ITPR3: variants seen among roughly 807,000 people sequenced by gnomAD.
ITPR3 encodes the protein inositol 1,4,5-trisphosphate receptor type 3, also known as inositol 1,4,5-trisphosphate-gated calcium channel ITPR3.
A neutral mutation model predicts 293.2 loss-of-function variants in ITPR3; 173 were observed. The ratio of observed to expected loss-of-function variants is 0.59; its 90% CI spans 0.52 to 0.67. ITPR3 has a LOEUF of 0.67. ITPR3 is among the 30% of genes least tolerant of loss of function. The pLI is 0.00. For synonymous variants in ITPR3, 1,295 were observed against 1,444.4 expected, an observed-to-expected ratio of 0.90 and a Z score of 2.35; for missense variants, 2,796 against 3,592.1, an observed-to-expected ratio of 0.78 and a Z score of 5.66.
intron 56 of ITPR3, chr6:33,694,488 T>C (rs10672): frequency 0.65 from 152,780 of 233,710 alleles, 52,403 homozygotes; most frequent in East Asian, 0.95. Context: ...CGGAGCCTCC[T>C]GATCCCTCAA....
In ITPR3 at chr6:33,690,170, T is replaced by G; in HGVS notation, c.7004T>G (p.Phe2335Cys). The change falls in exon 51 of 58, where the codon TTT (phenylalanine) becomes TGT (cysteine). Residue 2335 changes from phenylalanine to cysteine, a missense_variant. By Grantham distance (205) the Phe-to-Cys change is radical. Around this residue, in one of 8 missense-constraint regions of ITPR3, gnomAD observed 568 missense variants for 796.1 expected, o/e 0.71. Transcript: ENST00000605930. ...ATCCTGACCAGTGTCCTGGGCCTCTTTGCTCATGAGCTGTTCTACAGCATC... is the reference window on the plus strand; with the variant it reads ...ATCCTGACCAGTGTCCTGGGCCTCTGTGCTCATGAGCTGTTCTACAGCATC... ...GYILTSVLGL[F>C]AHELFYSILL... is the part of the protein sequence containing the mutation. 1.2e-6 allele frequency: 2 copies of G among 1,614,112 alleles called. No individual in the cohort carries two copies. Among genetic ancestry groups the G allele is most frequent in the Non-Finnish European group, 1.7e-6 (2 of 1,179,990 alleles).
At position 33,633,456 on chromosome 6, in the gene ITPR3, T is replaced by G. The variant is rs1237958132; in HGVS notation, c.90-7028T>G. Among the ~76,000 whole-genome samples the G allele has an allele frequency of 6.6e-6, 1 of 152,006 alleles. No individual in the cohort carries two copies. The highest frequency in any genetic ancestry group is 2.4e-5 in the African/African-American group (1 of 41,396). On this transcript the variant is annotated intron_variant, in intron 1 of 57. Coordinates refer to ENST00000605930, the MANE Select transcript of ITPR3 (RefSeq NM_002224.4). This position sits in a 1 kb window ranked among gnomAD's most constrained non-coding sequence, Gnocchi z 5.2. ...GTTTGATAAACACAGGTGCCCGCCA[T>G]GAGGAAGAGTCGGGGTGGGGCGCTA...
In ITPR3 at chr6:33,690,027, C is replaced by A. The variant is rs202138148; in HGVS notation, c.6868-7C>A. 2.3e-4 allele frequency: 374 copies of A among 1,614,136 alleles called. No individual in the cohort carries two copies. The African/African-American group carries it at 3.1e-3, about 14-fold the overall frequency. On this transcript the variant is annotated splice_region_variant and splice_polypyrimidine_tract_variant and intron_variant, in intron 50 of 57. Coordinates refer to ENST00000605930, the MANE Select transcript of ITPR3 (RefSeq NM_002224.4). ...TGCTGACTCTCATGCCTTGCACTCG[C>A]CCCCAGCTGACCAACAAGATCGTGT...
chr6:33,641,919 T>A (rs1237709967), intron 2 of ITPR3, among the ~76,000 whole-genome samples: 1 of 152,226 alleles, frequency 6.6e-6, no homozygotes, highest in Non-Finnish European at 1.5e-5. Context: ...TTTTTCTCTG[T>A]AGCATGAATC....
chr6:33,667,391 CTAGGGTCCAG>C lies in ITPR3; in HGVS notation c.1713+107_1713+116del, dbSNP rs1764639280. ...GCTGTGCCAGGCACTGTTTTGGGGCCTAGGGTCCAGTAGGGCACCAGACAGCAGGGCCGGG... is the reference window on the plus strand; with the variant it reads ...GCTGTGCCAGGCACTGTTTTGGGGCCTAGGGCACCAGACAGCAGGGCCGGG... On this transcript the variant is annotated intron_variant, in intron 15 of 57. Transcript: ENST00000605930. This position sits in a 1 kb window ranked among gnomAD's most constrained non-coding sequence, Gnocchi z 4.4. The C allele has an allele frequency of 1.4e-6, 2 of 1,447,150 alleles. No individual in the cohort carries two copies. Among genetic ancestry groups the C allele is most frequent in the Non-Finnish European group, 1.8e-6 (2 of 1,083,430 alleles). 89.6% of individuals were successfully genotyped at this position (1,447,150 alleles called of 1,614,324 possible). A position where few individuals can be genotyped will look rare whatever the true frequency, so the allele number is the denominator to read the frequency against.
At position 33,659,528 on chromosome 6, in the gene ITPR3, C is replaced by T; in HGVS notation, c.690C>T (p.His230=). ...ACCTGTTTATGCAGTTTCGGGACCA[C>T]CTGGAGGAGGTGTTGAAAGGGGTAA... ...KINLFMQFRD[H]LEEVLKGGDV... The change falls in exon 7 of 58, where the codon CAC becomes CAT. Residue 230 remains histidine (H), a synonymous_variant. Transcript: ENST00000605930. The T allele has an allele frequency of 6.2e-7, 1 of 1,614,086 alleles. No homozygotes were observed. Among genetic ancestry groups the T allele is most frequent in the Non-Finnish European group, 8.5e-7 (1 of 1,179,980 alleles).
rs751419970 is a variant in ITPR3 at position 33,665,061 on chromosome 6, C to T, written c.1257C>T (p.Thr419=). The T allele has an allele frequency of 7.0e-5, 113 of 1,613,744 alleles. 1 individual carries two copies. The South Asian group carries it at 1.2e-3, about 17-fold the overall frequency. Residue 419 remains threonine (T), a synonymous_variant, in exon 13 of 58, where the codon ACC becomes ACT. Transcript: ENST00000605930. ...GACCCCTGTCTCTGCAGCTGGGCAC[C>T]TGCCCCACCAAGGAGGACAAGGAGG... ...EERPIRLMLG[T]CPTKEDKEAF...
intron 49 of ITPR3, 68 bp from the exon 50 acceptor site, chr6:33,689,170 C>T: frequency 6.4e-7 from 1 of 1,561,886 alleles, no homozygotes; most frequent in Non-Finnish European, 8.7e-7. Flanking sequence ...TTTTCGGCAC[C>T]TGTTGGACCT....
At chr6:33,663,459 T>G (rs1169335778) in intron 9 of ITPR3, 41 bp from the exon 10 acceptor site, 3 of 1,571,896 alleles carry the variant, frequency 1.9e-6, no homozygotes, top group African/African-American at 1.4e-5. Context: ...GGGTATAGTT[T>G]GGTGTCCAGT....
Position 33,624,385 on chromosome 6 carries a change from T to C in ITPR3, c.89+2694T>C, listed in dbSNP as rs546331151. Among the ~76,000 whole-genome samples, 89 of 152,336 alleles carry C rather than the reference T, an allele frequency of 5.8e-4. 1 individual carries two copies. Among genetic ancestry groups the C allele is most frequent in the Non-Finnish European group, 8.7e-4 (59 of 68,030 alleles). ...TGGAAGTTAAGAGTCAAAGAAGGAA[T>C]GATTTGTAAGTGCTGTAAGTAATCA... On this transcript the variant is annotated intron_variant, in intron 1 of 57. Coordinates refer to ENST00000605930, the MANE Select transcript of ITPR3 (RefSeq NM_002224.4). The surrounding 1 kb of genome is among the most constrained non-coding windows in gnomAD (Gnocchi z 4.7).
chr6:33,670,369 A>G lies in ITPR3; in HGVS notation c.2234A>G (p.Tyr745Cys). The G allele has an allele frequency of 6.2e-7, 1 of 1,614,098 alleles. No homozygotes were observed. The highest frequency in any genetic ancestry group is 8.5e-7 in the Non-Finnish European group (1 of 1,180,042). ...GCCCGCATGTGCTTGGACCGCCAGT[A>G]CTTGGCCATCGACGAGATCTCCCAG... The part of the protein sequence containing the change: ...LFARMCLDRQ[Y>C]LAIDEISQQL... The change falls in exon 19 of 58, where the codon TAC becomes TGC. Residue 745 changes from tyrosine to cysteine, a missense_variant. Transcript: ENST00000605930. The surrounding 1 kb of genome is among the most constrained non-coding windows in gnomAD (Gnocchi z 6.7).
chr6:33,688,494 C>G (rs1278762827), intron 48 of ITPR3, 63 bp downstream of exon 48: 1 of 1,498,828 alleles, frequency 6.7e-7, no homozygotes, highest in Admixed American at 2.0e-5. Context: ...CCTGTTATAA[C>G]GGCCTCCTTT....
intron 57 of ITPR3, chr6:33,695,351 C>T (rs1765514595): frequency 7.1e-6 from 4 of 562,278 alleles, no homozygotes; most frequent in Non-Finnish European, 1.3e-5. Flanking sequence ...CTTCCTCTGA[C>T]AGCTGCCAGG....
At chr6:33,663,611 A>T in intron 10 of ITPR3, 61 bp downstream of exon 10, 1 of 1,600,702 alleles carries the variant, frequency 6.2e-7, no homozygotes. Context: ...AGGCGGGGGC[A>T]GGGGAGGCCG....
At position 33,671,314 on chromosome 6, in the gene ITPR3, C is replaced by CT; in HGVS notation, c.2728+11dup. On this transcript the variant is annotated intron_variant, in intron 21 of 57. Transcript: ENST00000605930. ...CCTATGAGGACCCCGGTGGTGAGGCCTTTGCCCGGCTCGGGCCACCCTGGT... is the reference window on the plus strand; with the variant it reads ...CCTATGAGGACCCCGGTGGTGAGGCCTTTTGCCCGGCTCGGGCCACCCTGGT... 6.2e-7 allele frequency: 1 copy of CT among 1,606,010 alleles called. No individual in the cohort carries two copies. Among genetic ancestry groups the CT allele is most frequent in the Non-Finnish European group, 8.5e-7 (1 of 1,175,790 alleles).
Position 33,654,260 on chromosome 6 carries a change from C to T in ITPR3, c.161-1506C>T, listed in dbSNP as rs895669614. Among the ~76,000 whole-genome samples, 3 of 151,302 alleles carry T rather than the reference C, an allele frequency of 2.0e-5. No individual in the cohort carries two copies. The highest frequency in any genetic ancestry group is 6.6e-5 in the Admixed American group (1 of 15,192). On this transcript the variant is annotated intron_variant, in intron 2 of 57. Transcript: ENST00000605930. This position sits in a 1 kb window ranked among gnomAD's most constrained non-coding sequence, Gnocchi z 4.1. ...TCCAGCCTGAGCTACAGAGTGAGAC[C>T]GTGTCTCAAAAAAAATAAGAAAAAT...
chr6:33,695,336 A>G (rs144967682), intron 57 of ITPR3: 169 of 567,794 alleles, frequency 3.0e-4, no homozygotes, highest in African/African-American at 2.9e-3. Flanking sequence ...TCTGTCTCTC[A>G]TCCCCTTCCT....
At chr6:33,623,016 G>C (rs950969320) in intron 1 of ITPR3, among the ~76,000 whole-genome samples, 1 of 152,140 alleles carries the variant, frequency 6.6e-6, no homozygotes, top group Admixed American at 6.5e-5. Context: ...CTTCTTCCCA[G>C]CTCCCTAGAG....
intron 1 of ITPR3, among the ~76,000 whole-genome samples, chr6:33,626,795 T>C (rs1406514075): frequency 6.6e-6 from 1 of 152,176 alleles, no homozygotes; most frequent in Admixed American, 6.5e-5. Context: ...ATTTCAGACC[T>C]GTCTTGGCTT....
Sources: gnomAD v4.1 joint callset for allele counts (sites outside exome capture counted in the v4.1 genomes callset) on GRCh38, gnomAD v4.1.1 for gene constraint, gnomAD v4.1.1 regional missense constraint, Gnocchi (gnomAD v3.1) non-coding constraint, MANE v1.5 for transcripts, NCBI Gene and HGNC (gene_info 2026-07-23, HGNC 2026-07-21) for gene names.